Variants in FER1L6 observed in about 807,000 individuals in gnomAD.
FER1L6 encodes fer-1-like protein 6.
FER1L6 carries 177 observed loss-of-function variants against 219.2 expected under a neutral mutation model. That is an observed-to-expected ratio of 0.81 (90% CI 0.71 to 0.91). The LOEUF (loss-of-function observed/expected upper bound fraction) is 0.91. Among genes scored for constraint, FER1L6 ranks in the 40% least tolerant of loss-of-function variants. FER1L6 has a pLI of 0.00. For synonymous variants in FER1L6, 768 were observed against 824.3 expected (o/e 0.93, Z 1.17); for missense variants, 2,153 against 2,259.9 (o/e 0.95, Z 0.96).
intron 33 of FER1L6, among the ~76,000 whole-genome samples, chr8:124,086,439 T>TAAAC (rs1004643794): frequency 6.7e-6 from 1 of 150,224 alleles, no homozygotes. Context: ...ACTAACTGCA[T>TAAAC]AAACAAACAA....
intron 32 of FER1L6, among the ~76,000 whole-genome samples, chr8:124,079,683 AG>A: frequency 6.6e-6 from 1 of 152,316 alleles, no homozygotes; most frequent in South Asian, 2.1e-4. Context: ...ACCCTTATGG[AG>A]GAGGCAGGGA....
chr8:123,957,096 G>A (rs1004156255), intron 2 of FER1L6, among the ~76,000 whole-genome samples: 1 of 152,178 alleles, frequency 6.6e-6, no homozygotes, highest in Non-Finnish European at 1.5e-5. Flanking sequence ...CGTGGGTCTC[G>A]TTAATCTTCA....
chr8:123,961,657 C>CTA (rs1183112379), intron 2 of FER1L6, among the ~76,000 whole-genome samples: 2 of 152,066 alleles, frequency 1.3e-5, no homozygotes, highest in Non-Finnish European at 2.9e-5. Flanking sequence ...ACAGGAGGAG[C>CTA]TATGAATATT....
chr8:124,018,467 C>G (rs964587982), intron 16 of FER1L6, among the ~76,000 whole-genome samples: 2 of 152,176 alleles, frequency 1.3e-5, no homozygotes, highest in African/African-American at 4.8e-5. Context: ...ATCCTTCGTC[C>G]CAGAATGCTT....
chr8:123,875,163 C>T (rs1044744625), intron 1 of FER1L6, among the ~76,000 whole-genome samples: 5 of 152,070 alleles, frequency 3.3e-5, no homozygotes, highest in African/African-American at 1.2e-4. Flanking sequence ...CTACTGCACT[C>T]CAGCCTGGTG....
At chr8:123,955,954 C>A (rs1289276066) in intron 1 of FER1L6, 38 bp from the exon 2 acceptor site, 9 of 1,562,350 alleles carry the variant, frequency 5.8e-6, no homozygotes, top group Non-Finnish European at 7.0e-6. Context: ...CTAAATGACT[C>A]AAAGTTTTTA....
chr8:124,044,781 G>A (rs771609085), intron 20 of FER1L6, among the ~76,000 whole-genome samples: 20 of 152,288 alleles, frequency 1.3e-4, no homozygotes, highest in Middle Eastern at 3.4e-3. Context: ...TCCAGTCTTC[G>A]GCTGTGTGAA....
At chr8:123,977,911 C>T (rs927806082) in intron 10 of FER1L6, among the ~76,000 whole-genome samples, 9 of 152,290 alleles carry the variant, frequency 5.9e-5, no homozygotes, top group South Asian at 2.1e-4. Context: ...ATCTGACAGA[C>T]GGAGCTAGGT....
intron 1 of FER1L6, among the ~76,000 whole-genome samples, chr8:123,920,251 G>A (rs1813321103): frequency 6.6e-6 from 1 of 152,156 alleles, no homozygotes; most frequent in African/African-American, 2.4e-5. Context: ...GAGGTCATCA[G>A]GACTCTTGCA....
At chr8:123,854,847 C>T (rs1335518797) in intron 1 of FER1L6, among the ~76,000 whole-genome samples, 1 of 152,138 alleles carries the variant, frequency 6.6e-6, no homozygotes, top group Non-Finnish European at 1.5e-5. Context: ...TGCGTTTATT[C>T]TTCTGCTATA....
At chr8:123,991,623 C>T (rs1271728153) in intron 12 of FER1L6, among the ~76,000 whole-genome samples, 3 of 152,078 alleles carry the variant, frequency 2.0e-5, no homozygotes, top group Non-Finnish European at 4.4e-5. Context: ...GGTATATCAT[C>T]ATATCATTAG....
In FER1L6 at chr8:124,103,271, C is replaced by T. The variant is rs759122724; in HGVS notation, c.5251C>T (p.Arg1751Cys). The T allele has an allele frequency of 2.2e-5, 36 of 1,613,856 alleles. No individual in the cohort carries two copies. In the East Asian group the frequency reaches 2.7e-4, roughly 12 times the overall value. Reference protein sequence around the residue: ...KISIFQQKRVRGWWPFSKSKE... With the variant: ...KISIFQQKRVCGWWPFSKSKE... ...CTCTATATTCCAGCAAAAACGTGTGCGTGGCTGGTGGCCTTTTTCTAAAAG... is the reference window on the plus strand; with the variant it reads ...CTCTATATTCCAGCAAAAACGTGTGTGTGGCTGGTGGCCTTTTTCTAAAAG... Residue 1751 changes from arginine (R) to cysteine (C), a missense_variant, in exon 39 of 41, where the codon CGT becomes TGT. Coordinates refer to ENST00000522917, the MANE Select transcript of FER1L6 (RefSeq NM_001039112.2).
intron 18 of FER1L6, among the ~76,000 whole-genome samples, chr8:124,030,853 C>T (rs961138390): frequency 6.6e-6 from 1 of 152,172 alleles, no homozygotes. Context: ...ACCTCTCTCT[C>T]TCCTTCTCTC....
At chr8:123,987,571 G>A (rs1586557208) in intron 12 of FER1L6, among the ~76,000 whole-genome samples, 1 of 152,084 alleles carries the variant, frequency 6.6e-6, no homozygotes, top group Admixed American at 6.5e-5. Flanking sequence ...ATATGCTTGT[G>A]GTGTATTACT....
In FER1L6 at chr8:123,970,055, T is replaced by C; in HGVS notation, c.405T>C (p.Ile135=). The C allele has an allele frequency of 6.2e-7, 1 of 1,614,090 alleles. No homozygotes were observed. The highest frequency in any genetic ancestry group is 8.5e-7 in the Non-Finnish European group (1 of 1,179,966). The stretch of plus-strand genomic sequence containing the variant: ...TGCAGTACTTTGTCTTCGACTTCAT[T>C]GGGCCCCAAGTGCATCTTTTTGACA... ...FYNEYFVFDF[I]GPQVHLFDKI... is the part of the protein sequence containing the mutation. The change falls in exon 6 of 41, where the codon ATT becomes ATC. Residue 135 remains isoleucine (I), a synonymous_variant. Transcript: ENST00000522917.
rs765886026 is a variant in FER1L6, at chr8:124,060,212, C to T, written c.2907C>T (p.Pro969=). 5.6e-6 allele frequency: 9 copies of T among 1,613,510 alleles called. No individual in the cohort carries two copies. Among genetic ancestry groups the T allele is most frequent in the East Asian group, 2.2e-5 (1 of 44,786 alleles). ...CTTCTGGGCTGCAAGGCCTCCCACC[C>T]GTTGAGCCACCAGACATCACCCAGA... The part of the protein sequence containing the change: ...VPPSGLQGLP[P]VEPPDITQIY... The change falls in exon 23 of 41, where the codon CCC becomes CCT. Residue 969 remains proline, a synonymous_variant. Coordinates refer to ENST00000522917, the MANE Select transcript of FER1L6 (RefSeq NM_001039112.2).
chr8:124,102,205 T>C lies in FER1L6; in HGVS notation c.5125+867T>C, dbSNP rs900173799. On this transcript the variant is annotated intron_variant, in intron 38 of 40. Transcript: ENST00000522917. ...CCCATCAATGGCCTGAACTAGCTTT[T>C]CACGTTAATTTTAGAATGCCTTTGG... is the stretch of plus-strand genomic sequence containing the variant. 5.9e-5 allele frequency among the ~76,000 whole-genome samples: 9 copies of C among 152,190 alleles called. 1 individual carries two copies. The highest frequency in any genetic ancestry group is 2.2e-4 in the African/African-American group (9 of 41,450).
At chr8:123,868,045 T>C (rs2130271055) in intron 1 of FER1L6, among the ~76,000 whole-genome samples, 1 of 152,364 alleles carries the variant, frequency 6.6e-6, no homozygotes, top group South Asian at 2.1e-4. Context: ...ATGTACTTTT[T>C]TGTGTCTCTG....
At chr8:124,037,998 C>T (rs2130718438) in intron 19 of FER1L6, among the ~76,000 whole-genome samples, 1 of 152,294 alleles carries the variant, frequency 6.6e-6, no homozygotes, top group South Asian at 2.1e-4. Context: ...TCAGTTTTAT[C>T]GTCCTGAGGC....
Sources: gnomAD v4.1 joint callset for allele counts (sites outside exome capture counted in the v4.1 genomes callset) on GRCh38, gnomAD v4.1.1 for gene constraint, MANE v1.5 for transcripts, NCBI Gene and HGNC (gene_info 2026-07-23, HGNC 2026-07-21) for gene names.